Variants in INSL6 observed in about 807,000 individuals in gnomAD.
INSL6 encodes insulin like 6, also known as insulin-like peptide INSL6.
INSL6 carries 16 observed loss-of-function variants against 9.4 expected under a neutral mutation model. The ratio of observed to expected loss-of-function variants is 1.70; its 90% confidence interval spans 1.15 to 2.59. The LOEUF (loss-of-function observed/expected upper bound fraction) is 2.59, where lower values mean the gene tolerates loss of function less well. Ranked by LOEUF, INSL6 falls within the 30% of genes most tolerant of loss-of-function variation. The probability of loss-of-function intolerance (pLI) is 0.00; values close to 1 mark genes in which losing one functional copy is unlikely to be tolerated. For synonymous variants in INSL6, 154 were observed against 96.9 expected, an observed-to-expected ratio of 1.59 and a Z score of -3.46; for missense variants, 391 against 257.3, an observed-to-expected ratio of 1.52 and a Z score of -3.56.
Position 5,144,059 on chromosome 9 carries a change from G to C in INSL6, c.377-10467C>G, listed in dbSNP as rs141482212. ...CTTCTGCTAGCTTTGGAATTTGTTT[G>C]CTCTTGGTTCTCCAGTTATTTTAGT... On this transcript the variant is annotated intron_variant, in intron 2 of 3. Coordinates refer to the INSL6 transcript ENST00000649639. 5.8e-3 allele frequency among the ~76,000 whole-genome samples: 882 copies of C among 152,222 alleles called. 4 individuals are homozygous for C. Among genetic ancestry groups the C allele is most frequent in the African/African-American group, 0.02 (816 of 41,542 alleles).
the INSL6 span, among the ~76,000 whole-genome samples, chr9:5,062,500 T>TAAAAA: frequency 7.0e-4 from 41 of 58,232 alleles, 4 homozygotes; most frequent in African/African-American, 3.4e-3. Flanking sequence ...CTTCCATTTG[T>TAAAAA]AAAAAAAAAA....
intron 2 of INSL6, among the ~76,000 whole-genome samples, chr9:5,146,199 C>T (rs1387008259): frequency 6.6e-6 from 1 of 151,752 alleles, no homozygotes; most frequent in Non-Finnish European, 1.5e-5. Flanking sequence ...GGCCTTGTTT[C>T]TTGAAGATTT....
At chr9:5,040,293 A>C in the INSL6 span, among the ~76,000 whole-genome samples, 1 of 118,618 alleles carries the variant, frequency 8.4e-6, no homozygotes, top group African/African-American at 5.4e-5. Flanking sequence ...CACTATATAC[A>C]AAAAAAAAAA....
At chr9:5,149,939 G>C (rs549851501) in intron 2 of INSL6, among the ~76,000 whole-genome samples, 1 of 152,220 alleles carries the variant, frequency 6.6e-6, no homozygotes, top group African/African-American at 2.4e-5. Flanking sequence ...CTGAAATAAA[G>C]CCACATACCT....
At chr9:5,162,648 T>C (rs1433858573), downstream of INSL6, among the ~76,000 whole-genome samples, 1 of 152,230 alleles carries the variant, frequency 6.6e-6, no homozygotes, top group African/African-American at 2.4e-5. Flanking sequence ...TGTATCTACA[T>C]GGGTAGCTCC....
chr9:5,030,067 G>T, the INSL6 span, among the ~76,000 whole-genome samples: 1 of 152,200 alleles, frequency 6.6e-6, no homozygotes, highest in Non-Finnish European at 1.5e-5. Context: ...TTCTCCATCA[G>T]AGAAACTGTT....
At chr9:5,056,994 T>A in the INSL6 span, among the ~76,000 whole-genome samples, 1 of 152,204 alleles carries the variant, frequency 6.6e-6, no homozygotes, top group Non-Finnish European at 1.5e-5. Context: ...TAAAGCTCCT[T>A]AAAAATATTA....
chr9:5,073,679 T>C, the INSL6 span: 5 of 1,562,364 alleles, frequency 3.2e-6, no homozygotes, highest in African/African-American at 2.7e-5. Context: ...CAATTCTTTG[T>C]ACTTTTTTTT....
intron 1 of INSL6, among the ~76,000 whole-genome samples, chr9:5,170,440 T>C (rs116084167): frequency 0.012 from 1,768 of 151,354 alleles, 28 homozygotes; most frequent in African/African-American, 0.041. Flanking sequence ...CCAAAAGAAG[T>C]AGAGAACCAA....
chr9:5,118,302 C>T, the INSL6 span, among the ~76,000 whole-genome samples: 2 of 152,214 alleles, frequency 1.3e-5, no homozygotes, highest in East Asian at 3.8e-4. Context: ...CTTCCCTTCT[C>T]ATTCCAAATT....
At chr9:5,103,949 C>A in the INSL6 span, among the ~76,000 whole-genome samples, 1 of 151,896 alleles carries the variant, frequency 6.6e-6, no homozygotes, top group Non-Finnish European at 1.5e-5. Context: ...GCACTAAATG[C>A]CCACAAGAGA....
the INSL6 span, among the ~76,000 whole-genome samples, chr9:5,082,028 T>C: frequency 6.6e-6 from 1 of 152,240 alleles, no homozygotes; most frequent in South Asian, 2.1e-4. Context: ...ACAGCTATCT[T>C]TACTGAATGA....
chr9:5,154,909 C>T (rs1177658196), intron 2 of INSL6, among the ~76,000 whole-genome samples: 1 of 152,122 alleles, frequency 6.6e-6, no homozygotes, highest in South Asian at 2.1e-4. Flanking sequence ...TTGTGGAAGT[C>T]AGTGTGGCGA....
the INSL6 span, among the ~76,000 whole-genome samples, chr9:4,997,858 T>C: frequency 6.6e-6 from 1 of 152,192 alleles, no homozygotes; most frequent in Non-Finnish European, 1.5e-5. Context: ...GTCTGCAGAA[T>C]TGTTTCATTT....
intron 2 of INSL6, among the ~76,000 whole-genome samples, chr9:5,150,113 T>C (rs888872212): frequency 2.6e-5 from 4 of 152,188 alleles, no homozygotes; most frequent in Non-Finnish European, 5.9e-5. Context: ...AAATTAAAGA[T>C]TTAAATGTCA....
chr9:5,154,249 T>C (rs772264477), intron 2 of INSL6, among the ~76,000 whole-genome samples: 1 of 152,212 alleles, frequency 6.6e-6, no homozygotes. Context: ...ATAAATGGTG[T>C]TGGGAAAACA....
At chr9:5,089,319 A>G in the INSL6 span, among the ~76,000 whole-genome samples, 4 of 152,122 alleles carry the variant, frequency 2.6e-5, no homozygotes, top group Non-Finnish European at 5.9e-5. Context: ...TGGGTGGATC[A>G]CCAGGTCAGG....
chr9:4,993,784 G>A, the INSL6 span, among the ~76,000 whole-genome samples: 1 of 152,168 alleles, frequency 6.6e-6, no homozygotes, highest in Non-Finnish European at 1.5e-5. Flanking sequence ...TCTTCATAAC[G>A]TTGATAAGAA....
At chr9:5,112,083 G>T in the INSL6 span, 1 of 381,208 alleles carries the variant, frequency 2.6e-6, no homozygotes. Flanking sequence ...GAGTAAGATA[G>T]AAGACCACCT....
Sources: allele counts gnomAD v4.1 joint callset (sites outside exome capture counted in the v4.1 genomes callset), GRCh38; gene constraint gnomAD v4.1.1; transcripts MANE v1.5; gene names NCBI Gene and HGNC (gene_info 2026-07-23, HGNC 2026-07-21).